The following PCDHAC2 variants were observed in gnomAD, a reference collection of about 807,000 sequenced individuals.
The protein encoded by PCDHAC2 is protocadherin alpha-C2.
In PCDHAC2, 24 loss-of-function variants were observed where a neutral mutation model predicts 63.3. The observed-to-expected ratio is 0.38, with a 90% confidence interval of 0.27 to 0.53. The LOEUF (loss-of-function observed/expected upper bound fraction) is 0.53, where lower values mean the gene tolerates loss of function less well. Ranked by LOEUF, PCDHAC2 falls within the 20% of genes least tolerant of loss-of-function variation. The probability of loss-of-function intolerance (pLI) is 0.81; values close to 1 mark genes in which losing one functional copy is unlikely to be tolerated. For missense variants in PCDHAC2, 1,181 were observed against 1,275.2 expected, an observed-to-expected ratio of 0.93 and a Z score of 1.12; for synonymous variants, 569 against 529.4, an observed-to-expected ratio of 1.07 and a Z score of -1.03.
intron 2 of PCDHAC2, among the ~76,000 whole-genome samples, chr5:140,980,561 C>T (rs1430874214): frequency 6.6e-6 from 1 of 151,974 alleles, no homozygotes; most frequent in Admixed American, 6.6e-5. Context: ...ACCCGGGAGG[C>T]GGAAGTTGCA....
At chr5:141,004,833 C>A (rs1421886072) in intron 3 of PCDHAC2, among the ~76,000 whole-genome samples, 1 of 152,168 alleles carries the variant, frequency 6.6e-6, no homozygotes, top group Non-Finnish European at 1.5e-5. Flanking sequence ...TTAGATAGAT[C>A]AAAGTCATTA....
chr5:140,988,423 T>G (rs2097297373), intron 3 of PCDHAC2, among the ~76,000 whole-genome samples: 2 of 152,176 alleles, frequency 1.3e-5, no homozygotes. Context: ...GTAAAGAATT[T>G]GTTTGTTTTG....
chr5:140,980,522 A>G (rs1341350940), intron 2 of PCDHAC2, among the ~76,000 whole-genome samples: 2 of 152,074 alleles, frequency 1.3e-5, no homozygotes, highest in Non-Finnish European at 2.9e-5. Flanking sequence ...TCCAGCTACT[A>G]GGGAGGCTGA....
chr5:140,978,653 G>A (rs527551897), intron 1 of PCDHAC2, among the ~76,000 whole-genome samples: 25 of 152,314 alleles, frequency 1.6e-4, no homozygotes, highest in African/African-American at 5.5e-4. Flanking sequence ...TGTTCTTCCC[G>A]TAGTGTTTTA....
chr5:141,005,798 C>T (rs1236554438), intron 3 of PCDHAC2, among the ~76,000 whole-genome samples: 1 of 143,634 alleles, frequency 7.0e-6, no homozygotes, highest in African/African-American at 2.6e-5. Context: ...GCAAAAACAA[C>T]TCCAAGGAGC....
chr5:140,985,885 G>A (rs1218097274), intron 3 of PCDHAC2, among the ~76,000 whole-genome samples: 4 of 151,548 alleles, frequency 2.6e-5, no homozygotes, highest in Non-Finnish European at 5.9e-5. Flanking sequence ...GACTACAGGC[G>A]CCCGCCACCA....
At chr5:140,980,448 G>A (rs1333028932) in intron 2 of PCDHAC2, among the ~76,000 whole-genome samples, 7 of 152,122 alleles carry the variant, frequency 4.6e-5, no homozygotes, top group African/African-American at 9.7e-5. Flanking sequence ...TGGACAACAC[G>A]GTGAAACCCT....
At chr5:141,003,517 T>C (rs538562882) in intron 3 of PCDHAC2, among the ~76,000 whole-genome samples, 1 of 152,238 alleles carries the variant, frequency 6.6e-6, no homozygotes, top group East Asian at 1.9e-4. Context: ...TTCACCATGT[T>C]CCCTAGGCTG....
At chr5:141,004,100 ATCT>A (rs1241437793) in intron 3 of PCDHAC2, among the ~76,000 whole-genome samples, 4 of 152,204 alleles carry the variant, frequency 2.6e-5, no homozygotes, top group Non-Finnish European at 5.9e-5. Context: ...TTCCGTTTTC[ATCT>A]TCTTCAAAAG....
At position 140,968,135 on chromosome 5, in the gene PCDHAC2, G is replaced by C. The variant is rs2096222877; in HGVS notation, c.1369G>C (p.Val457Leu). ...PQLTSLRTLK[V>L]EISDINDNPP... is the part of the protein sequence containing the mutation. ...GCTCACATCCCTGCGTACACTGAAG[G>C]TTGAGATCTCTGACATCAATGACAA... The change falls in exon 1 of 4, where the codon GTT becomes CTT. Residue 457 changes from valine (V) to leucine (L), a missense_variant. By Grantham distance (32) the Val-to-Leu change is conservative. Around this residue, in one of 3 missense-constraint regions of PCDHAC2, gnomAD observed 968 missense variants for 1,073.5 expected, o/e 0.90. Coordinates refer to ENST00000289269, the MANE Select transcript of PCDHAC2 (RefSeq NM_018899.6). 1.2e-6 allele frequency: 2 copies of C among 1,614,034 alleles called. No homozygotes were observed. Among genetic ancestry groups the C allele is most frequent in the Non-Finnish European group, 1.7e-6 (2 of 1,180,032 alleles).
chr5:140,993,661 A>G (rs902592339), intron 3 of PCDHAC2, among the ~76,000 whole-genome samples: 1 of 152,182 alleles, frequency 6.6e-6, no homozygotes, highest in African/African-American at 2.4e-5. Flanking sequence ...TTGGTTAACA[A>G]TGGACCACAT....
In PCDHAC2 at chr5:140,967,993, T is replaced by C. The variant is rs372478638; in HGVS notation, c.1227T>C (p.Pro409=). The C allele has an allele frequency of 1.5e-5, 24 of 1,614,206 alleles. No homozygotes were observed. The highest frequency in any genetic ancestry group is 1.2e-5 in the Non-Finnish European group (14 of 1,180,042). Residue 409 remains proline, a synonymous_variant, in exon 1 of 4, where the codon CCT becomes CCC. Coordinates refer to ENST00000289269, the MANE Select transcript of PCDHAC2 (RefSeq NM_018899.6). ...GCCTGGGTCTGGAGGCCACACTGCCTTTCCGACTGAATGGCTTTGGAAACT... is the reference window on the plus strand; with the variant it reads ...GCCTGGGTCTGGAGGCCACACTGCCCTTCCGACTGAATGGCTTTGGAAACT... ...KVSLGLEATL[P]FRLNGFGNSY...
intron 3 of PCDHAC2, among the ~76,000 whole-genome samples, chr5:141,007,792 C>A (rs2098346636): frequency 6.6e-6 from 1 of 152,166 alleles, no homozygotes. Flanking sequence ...TACAAATTAG[C>A]CTTTATCTGC....
intron 3 of PCDHAC2, among the ~76,000 whole-genome samples, chr5:140,986,151 G>T (rs547474191): frequency 6.6e-6 from 1 of 152,316 alleles, no homozygotes; most frequent in East Asian, 1.9e-4. Flanking sequence ...GCATCACCAA[G>T]TAATGTTTTC....
intron 2 of PCDHAC2, 72 bp downstream of exon 2, chr5:140,979,079 T>C (rs1019875909): frequency 9.5e-6 from 15 of 1,584,162 alleles, no homozygotes; most frequent in African/African-American, 6.8e-5. Flanking sequence ...TGCATCTCCA[T>C]AGGCCAGAAG....
At chr5:140,990,029 A>G (rs1343846819) in intron 3 of PCDHAC2, among the ~76,000 whole-genome samples, 1 of 152,146 alleles carries the variant, frequency 6.6e-6, no homozygotes, top group African/African-American at 2.4e-5. Context: ...AAAGGATGGG[A>G]GAAGTCAGTC....
rs915171063 is a variant in PCDHAC2 at position 140,977,108 on chromosome 5, T to C, written c.2566-1841T>C. On this transcript the variant is annotated intron_variant, in intron 1 of 3. Transcript: ENST00000289269. ...AAATGTGTCATTGGGGAAGTGAGAT[T>C]GTATAATGAACTGAGTTTCCTGGTC... 6.6e-5 allele frequency among the ~76,000 whole-genome samples: 10 copies of C among 152,302 alleles called. No homozygotes were observed. The East Asian group carries it at 1.9e-3, about 29-fold the overall frequency.
At position 140,981,034 on chromosome 5, in the gene PCDHAC2, A is replaced by G. The variant is rs376817771; in HGVS notation, c.2625-1441A>G. ...ACTTGAAGGCTGTTAATATTTGGGGAAAAAAAACAGATAATTCTAGAGTGT... is the reference window on the plus strand; with the variant it reads ...ACTTGAAGGCTGTTAATATTTGGGGGAAAAAAACAGATAATTCTAGAGTGT... On this transcript the variant is annotated intron_variant, in intron 2 of 3. Transcript: ENST00000289269. Among the ~76,000 whole-genome samples, 183 of 149,642 alleles carry G rather than the reference A, an allele frequency of 1.2e-3. 1 individual carries two copies. Among genetic ancestry groups the G allele is most frequent in the African/African-American group, 4.1e-3 (163 of 39,298 alleles).
At chr5:141,003,536 C>T (rs1409675219) in intron 3 of PCDHAC2, among the ~76,000 whole-genome samples, 1 of 152,152 alleles carries the variant, frequency 6.6e-6, no homozygotes, top group Non-Finnish European at 1.5e-5. Context: ...TGGTCTTGAA[C>T]TCCTGGCTTC....
Sources: gnomAD v4.1 joint callset for allele counts (sites outside exome capture counted in the v4.1 genomes callset) on GRCh38, gnomAD v4.1.1 for gene constraint, gnomAD v4.1.1 regional missense constraint, MANE v1.5 for transcripts, NCBI Gene and HGNC (gene_info 2026-07-23, HGNC 2026-07-21) for gene names.